The following SYNC variants were observed in gnomAD, a reference collection of about 807,000 sequenced individuals.
SYNC encodes syncoilin, intermediate filament protein.
In SYNC, 38 loss-of-function variants were observed where a neutral mutation model predicts 49.5. That is an observed-to-expected ratio of 0.77 (90% CI 0.59 to 1.01). The LOEUF is 1.01. SYNC is among the 50% of genes least tolerant of loss of function. The pLI, the probability that SYNC is intolerant of heterozygous loss-of-function variation, is 0.00. For synonymous variants in SYNC, 201 were observed against 230.8 expected (o/e 0.87, Z 1.17); for missense variants, 579 against 580.6 (o/e 1.00, Z 0.03).
chr1:32,701,513 C>A (rs1051235885), intron 1 of SYNC, among the ~76,000 whole-genome samples: 5 of 152,134 alleles, frequency 3.3e-5, no homozygotes, highest in African/African-American at 1.2e-4. Context: ...TGCCCAAGGT[C>A]GAATGGCAAA....
chr1:32,688,390 T>C (rs552886271), intron 2 of SYNC, among the ~76,000 whole-genome samples: 1 of 152,280 alleles, frequency 6.6e-6, no homozygotes, highest in East Asian at 1.9e-4. Context: ...CTATGAAATG[T>C]CCCCTCTTTT....
intron 2 of SYNC, 61 bp downstream of exon 2, chr1:32,694,804 C>T: frequency 6.8e-7 from 1 of 1,467,528 alleles, no homozygotes; most frequent in South Asian, 1.4e-5. Flanking sequence ...AGACCTTGGA[C>T]TCTGGCCACT....
intron 2 of SYNC, among the ~76,000 whole-genome samples, chr1:32,687,133 G>T (rs576001179): frequency 7.9e-5 from 12 of 152,078 alleles, no homozygotes; most frequent in Non-Finnish European, 1.6e-4. Context: ...GTTGAGGCGG[G>T]TGGATCATCT....
rs1480411796 is a variant in SYNC at position 32,695,137 on chromosome 1, T to C, written c.961A>G (p.Ser321Gly). The C allele has an allele frequency of 1.2e-6, 2 of 1,607,998 alleles. No homozygotes were observed. The highest frequency in any genetic ancestry group is 4.5e-5 in the East Asian group (2 of 44,668). ...SQRDGHFLQESRRLSAQFENL... is the reference protein window; with the variant it reads ...SQRDGHFLQEGRRLSAQFENL... ...TCAAACTGGGCAGAGAGTCGCCGGC[T>C]TTCCTGGAGAAAGTGCCCATCCCTC... Residue 321 changes from serine (S) to glycine (G), a missense_variant, in exon 2 of 5, where the codon AGC becomes GGC. Ser to Gly is a moderately conservative substitution (Grantham distance 56, BLOSUM62 0). Coordinates refer to ENST00000409190, the MANE Select transcript of SYNC (RefSeq NM_030786.3).
intron 2 of SYNC, among the ~76,000 whole-genome samples, chr1:32,687,901 G>A (rs2148551006): frequency 7.6e-6 from 1 of 130,920 alleles, no homozygotes; most frequent in East Asian, 2.3e-4. Context: ...TCAGGCTGGA[G>A]TGCGCTGGCA....
intron 2 of SYNC, among the ~76,000 whole-genome samples, chr1:32,687,864 T>TTATTA (rs1557871719): frequency 0.028 from 105 of 3,762 alleles, 1 homozygote; most frequent in African/African-American, 0.037. Context: ...TATTATTATT[T>TTATTA]TTTGAGATGG....
At chr1:32,696,346 G>A (rs1246729602) in intron 1 of SYNC, among the ~76,000 whole-genome samples, 3 of 151,780 alleles carry the variant, frequency 2.0e-5, no homozygotes, top group South Asian at 2.1e-4. Flanking sequence ...ATGGAGTCCC[G>A]CTGTATTGCC....
chr1:32,701,104 C>G (rs1234468990), intron 1 of SYNC, among the ~76,000 whole-genome samples: 1 of 151,998 alleles, frequency 6.6e-6, no homozygotes, highest in Non-Finnish European at 1.5e-5. Context: ...TTAGTAGAGC[C>G]GGGTTTCACC....
chr1:32,686,905 C>T (rs1245194950), intron 2 of SYNC, among the ~76,000 whole-genome samples: 1 of 152,172 alleles, frequency 6.6e-6, no homozygotes, highest in Non-Finnish European at 1.5e-5. Flanking sequence ...TTCTGTGCAA[C>T]CCCAAAAGCT....
chr1:32,687,855 A>ATTATTATTATTATTTTATTATT (rs71006359), intron 2 of SYNC, among the ~76,000 whole-genome samples: 17 of 135,502 alleles, frequency 1.3e-4, no homozygotes, highest in Non-Finnish European at 2.2e-4. Flanking sequence ...TATTATTATT[A>ATTATTATTATTATTTTATTATT]TTATTATTTT....
Position 32,695,672 on chromosome 1 carries a change from T to C in SYNC, c.426A>G (p.Thr142=). Reference sequence around the variant, plus strand: ...GGTTAGATTTCTCCGCCCTTGTGACTGTCTCTCCCTCATAAACAACGTGCT... The same window carrying C: ...GGTTAGATTTCTCCGCCCTTGTGACCGTCTCTCCCTCATAAACAACGTGCT... ...SPEHVVYEGE[T]VTRAEKSNPE... The change falls in exon 2 of 5, where the codon ACA becomes ACG. Residue 142 remains threonine (T), a synonymous_variant. Coordinates refer to ENST00000409190, the MANE Select transcript of SYNC (RefSeq NM_030786.3). The C allele has an allele frequency of 6.4e-7, 1 of 1,551,644 alleles. No homozygotes were observed. Among genetic ancestry groups the C allele is most frequent in the Non-Finnish European group, 8.7e-7 (1 of 1,147,014 alleles).
At chr1:32,686,790 TTAAG>T (rs71721278) in intron 2 of SYNC, among the ~76,000 whole-genome samples, 16,739 of 152,062 alleles carry the variant, frequency 0.11, 1,686 homozygotes, top group African/African-American at 0.26. Context: ...GCCACAGAGC[TTAAG>T]TAATTTGTCC....
Position 32,684,021 on chromosome 1 carries a change from GTC to G in SYNC, c.1425_1426del (p.Glu475AspfsTer29). Reference sequence around the variant, plus strand: ...TTCACAAAGATCACCTTGAGACTGTGTCTCCATTCCACCTGCCTGAGAAGTGG... The same window carrying G: ...TTCACAAAGATCACCTTGAGACTGTGTCCATTCCACCTGCCTGAGAAGTGG... On this transcript the variant is annotated frameshift_variant, in exon 4 of 5. Coordinates refer to ENST00000409190, the MANE Select transcript of SYNC (RefSeq NM_030786.3). LOFTEE classifies it high-confidence loss of function. 1 of 1,614,104 alleles carries G rather than the reference GTC, an allele frequency of 6.2e-7. No individual in the cohort carries two copies. Among genetic ancestry groups the G allele is most frequent in the Non-Finnish European group, 8.5e-7 (1 of 1,179,940 alleles).
At chr1:32,694,241 C>T (rs1650297911) in intron 2 of SYNC, among the ~76,000 whole-genome samples, 1 of 152,014 alleles carries the variant, frequency 6.6e-6, no homozygotes, top group African/African-American at 2.4e-5. Context: ...CAGTTGTGGT[C>T]CCAGCTACTC....
At chr1:32,694,738 G>A (rs909383953) in intron 2 of SYNC, 127 bp downstream of exon 2, 6 of 873,000 alleles carry the variant, frequency 6.9e-6, no homozygotes, top group African/African-American at 3.4e-5. Context: ...AAAAAATTGC[G>A]TGGCCCCAAA....
chr1:32,681,851 T>C lies in SYNC; in HGVS notation c.1448A>G (p.Ter483TrpextTer16). 1 of 1,614,172 alleles carries C rather than the reference T, an allele frequency of 6.2e-7. No individual in the cohort carries two copies. The highest frequency in any genetic ancestry group is 8.5e-7 in the Non-Finnish European group (1 of 1,180,006). The part of the protein sequence containing the change: ...GMETQSQGAV[*>W] The stretch of plus-strand genomic sequence containing the variant: ...GGTTACAGATTTGGCCATATATTTC[T>C]AAACAGCCCCTGTAAAGTTGAAAGA... Residue 483 changes from the stop codon to tryptophan, a stop_lost, in exon 5 of 5, where the codon TAG becomes TGG. Transcript: ENST00000409190.
In SYNC at chr1:32,696,895, G is replaced by C. The variant is rs556468934; in HGVS notation, c.54-851C>G. Among the ~76,000 whole-genome samples the C allele has an allele frequency of 3.6e-3, 538 of 151,282 alleles. 4 individuals are homozygous for C. The highest frequency in any genetic ancestry group is 6.5e-3 in the Admixed American group (99 of 15,150). On this transcript the variant is annotated intron_variant, in intron 1 of 4. Transcript: ENST00000409190. ...CCCAGGTAGGTGGGACTACAGACAC[G>C]TGCCATCACACTCAGCTGATTTTTG...
chr1:32,702,880 T>TG (rs1183344308), upstream of SYNC: 1 of 188,010 alleles, frequency 5.3e-6, no homozygotes, highest in Non-Finnish European at 1.0e-5. The surrounding 1 kb of genome is among the most constrained non-coding windows in gnomAD (Gnocchi z 6.2). Context: ...CGGACCAGCC[T>TG]GGGGCGGGGG....
At position 32,684,274 on chromosome 1, in the gene SYNC, C is replaced by T. The variant is rs1173878962; in HGVS notation, c.1342G>A (p.Glu448Lys). The T allele has an allele frequency of 1.2e-6, 2 of 1,614,188 alleles. No homozygotes were observed. The highest frequency in any genetic ancestry group is 1.7e-6 in the Non-Finnish European group (2 of 1,180,038). Reference protein sequence around the residue: ...MEQLRLSLAEELSTYKAMLLP... With the variant: ...MEQLRLSLAEKLSTYKAMLLP... ...GAAACTGACTTATAAGTAGAGAGCT[C>T]TTCAGCAAGACTGAGCCTTAGCTGT... Residue 448 changes from glutamate (E) to lysine (K), a missense_variant, in exon 3 of 5, where the codon GAG (glutamate) becomes AAG (lysine). By Grantham distance (56) the Glu-to-Lys change is moderately conservative (BLOSUM62 1). Coordinates refer to ENST00000409190, the MANE Select transcript of SYNC (RefSeq NM_030786.3).
Sources: allele counts gnomAD v4.1 joint callset (sites outside exome capture counted in the v4.1 genomes callset), GRCh38; gene constraint gnomAD v4.1.1; non-coding constraint Gnocchi (gnomAD v3.1); transcripts MANE v1.5; gene names NCBI Gene and HGNC (gene_info 2026-07-23, HGNC 2026-07-21).